Variants in KCNH7 observed in about 807,000 individuals in gnomAD.
KCNH7 encodes voltage-gated inwardly rectifying potassium channel KCNH7.
In KCNH7, 49 loss-of-function variants were observed where a neutral mutation model predicts 120.8. The ratio of observed to expected loss-of-function variants is 0.41; its 90% CI spans 0.32 to 0.51. KCNH7 has a LOEUF of 0.51. Among genes scored for constraint, KCNH7 ranks in the 20% least tolerant of loss-of-function variants. KCNH7 has a pLI of 0.38. For missense variants in KCNH7, 1,097 were observed against 1,446.6 expected (o/e 0.76, Z 3.92); for synonymous variants, 547 against 516.1 (o/e 1.06, Z -0.81).
intron 3 of KCNH7, 84 bp downstream of exon 3, chr2:162,536,841 A>G (rs1487696276): frequency 1.0e-5 from 12 of 1,193,378 alleles, no homozygotes; most frequent in Non-Finnish European, 1.3e-5. Flanking sequence ...TATTTTGAGA[A>G]CTGAATTGAA....
intron 2 of KCNH7, among the ~76,000 whole-genome samples, chr2:162,603,510 C>G (rs1694629915): frequency 6.6e-6 from 1 of 151,920 alleles, no homozygotes; most frequent in African/African-American, 2.4e-5. Context: ...GAATATTATT[C>G]TTGCTTTCTT....
intron 2 of KCNH7, among the ~76,000 whole-genome samples, chr2:162,831,339 G>A (rs1029664892): frequency 1.3e-5 from 2 of 152,088 alleles, no homozygotes; most frequent in African/African-American, 4.8e-5. Context: ...ATGGATCGGG[G>A]GAGAGAAACT....
intron 4 of KCNH7, among the ~76,000 whole-genome samples, chr2:162,514,241 T>G (rs975993004): frequency 6.6e-6 from 1 of 151,844 alleles, no homozygotes. Context: ...TGGCCTTAGA[T>G]GACAACTCCC....
chr2:162,456,404 C>T (rs757303912), intron 6 of KCNH7, among the ~76,000 whole-genome samples: 5 of 151,760 alleles, frequency 3.3e-5, no homozygotes, highest in African/African-American at 9.7e-5. Flanking sequence ...TTTGCATTTG[C>T]TGAGGAGTGT....
At chr2:162,561,483 G>A (rs552239430) in intron 2 of KCNH7, among the ~76,000 whole-genome samples, 5 of 152,214 alleles carry the variant, frequency 3.3e-5, no homozygotes, top group Admixed American at 6.5e-5. Flanking sequence ...CTTCCACAAT[G>A]GTTGAACTAA....
At chr2:162,738,652 G>T (rs1482763137) in intron 2 of KCNH7, among the ~76,000 whole-genome samples, 1 of 152,184 alleles carries the variant, frequency 6.6e-6, no homozygotes, top group Admixed American at 6.5e-5. Flanking sequence ...GAAAATCAGT[G>T]TGTTTGTCCT....
At chr2:162,459,762 G>C (rs950492675) in intron 6 of KCNH7, among the ~76,000 whole-genome samples, 2 of 152,074 alleles carry the variant, frequency 1.3e-5, no homozygotes, top group South Asian at 4.1e-4. Flanking sequence ...CCATTGGTTT[G>C]GTGGCCTTTG....
At chr2:162,374,256 A>G (rs1319180409) in intron 14 of KCNH7, among the ~76,000 whole-genome samples, 3 of 152,166 alleles carry the variant, frequency 2.0e-5, no homozygotes, top group African/African-American at 7.2e-5. Context: ...TTGGTATGTA[A>G]GAAGCAGACC....
chr2:162,548,908 C>T (rs990707046), intron 2 of KCNH7, among the ~76,000 whole-genome samples: 7 of 152,084 alleles, frequency 4.6e-5, no homozygotes, highest in Non-Finnish European at 7.4e-5. Context: ...AAGAAAATAT[C>T]AAAGAGTACG....
At chr2:162,808,907 C>A (rs1330976249) in intron 2 of KCNH7, among the ~76,000 whole-genome samples, 1 of 152,168 alleles carries the variant, frequency 6.6e-6, no homozygotes, top group Non-Finnish European at 1.5e-5. Context: ...GATAAGTAAT[C>A]ATGTTAGCAC....
At chr2:162,834,302 T>C (rs1685577014) in intron 2 of KCNH7, among the ~76,000 whole-genome samples, 1 of 152,136 alleles carries the variant, frequency 6.6e-6, no homozygotes, top group South Asian at 2.1e-4. Flanking sequence ...GACTGTGTCA[T>C]CACTGTTTAA....
intron 3 of KCNH7, among the ~76,000 whole-genome samples, chr2:162,527,018 T>C (rs1194622777): frequency 6.6e-6 from 1 of 152,028 alleles, no homozygotes; most frequent in East Asian, 1.9e-4. Context: ...CTGCCATGGC[T>C]TCAGCCGGTC....
At chr2:162,463,647 T>C (rs1399389695) in intron 6 of KCNH7, among the ~76,000 whole-genome samples, 1 of 151,976 alleles carries the variant, frequency 6.6e-6, no homozygotes, top group Admixed American at 6.6e-5. Flanking sequence ...ATGAAGTTGG[T>C]TATTTGAAAA....
intron 2 of KCNH7, among the ~76,000 whole-genome samples, chr2:162,603,168 C>T (rs1694615860): frequency 6.6e-6 from 1 of 151,558 alleles, no homozygotes. Context: ...AGTTCTAGGA[C>T]TCAAAAATAT....
chr2:162,436,474 G>T (rs1304039427), intron 7 of KCNH7, among the ~76,000 whole-genome samples: 1 of 152,046 alleles, frequency 6.6e-6, no homozygotes, highest in Non-Finnish European at 1.5e-5. Context: ...CTAATGATAG[G>T]CTACTTCTAT....
At chr2:162,466,835 A>T (rs772865704) in intron 6 of KCNH7, among the ~76,000 whole-genome samples, 4 of 152,200 alleles carry the variant, frequency 2.6e-5, no homozygotes, top group Non-Finnish European at 4.4e-5. Context: ...TATAAATAAG[A>T]TGTGAAATGA....
At chr2:162,577,521 T>C (rs760814648) in intron 2 of KCNH7, among the ~76,000 whole-genome samples, 1 of 151,950 alleles carries the variant, frequency 6.6e-6, no homozygotes, top group Non-Finnish European at 1.5e-5. Flanking sequence ...TAATGGAAGA[T>C]CTTGGAACAA....
At position 162,838,621 on chromosome 2, in the gene KCNH7, G is replaced by A. The variant is rs1016053593; in HGVS notation, c.-103C>T. ...GCCAGCGCGCGAGCCGCTCTTTGTG[G>A]CAGAGCATCCTCTTTTGAAACCAGA... On this transcript the variant is annotated 5_prime_UTR_variant, in exon 1 of 16. Coordinates refer to ENST00000332142, the MANE Select transcript of KCNH7 (RefSeq NM_033272.4). 50 of 845,542 alleles carry A rather than the reference G, an allele frequency of 5.9e-5. No individual in the cohort carries two copies. The highest frequency in any genetic ancestry group is 7.7e-5 in the Non-Finnish European group (41 of 529,772). 52.4% of individuals were successfully genotyped at this position (845,542 alleles called of 1,614,324 possible). A position where few individuals can be genotyped will look rare whatever the true frequency, so the allele number is the denominator to read the frequency against.
chr2:162,471,197 A>C (rs968703280), intron 6 of KCNH7, among the ~76,000 whole-genome samples: 1 of 150,286 alleles, frequency 6.7e-6, no homozygotes, highest in African/African-American at 2.5e-5. Context: ...TTGTCCTATG[A>C]CCCTGCCAAA....
Sources: gnomAD v4.1 joint callset for allele counts (sites outside exome capture counted in the v4.1 genomes callset) on GRCh38, gnomAD v4.1.1 for gene constraint, MANE v1.5 for transcripts, NCBI Gene and HGNC (gene_info 2026-07-23, HGNC 2026-07-21) for gene names.